Variants in LRP1B observed in about 807,000 individuals in gnomAD.
LRP1B encodes the protein low-density lipoprotein receptor-related protein 1B.
In LRP1B, 217 loss-of-function variants were observed where a neutral mutation model predicts 556.6. The ratio of observed to expected loss-of-function variants is 0.39; its 90% CI spans 0.35 to 0.44. LRP1B has a LOEUF of 0.44. Among genes scored for constraint, LRP1B ranks in the 20% least tolerant of loss-of-function variants. The pLI is 1.00. For synonymous variants in LRP1B, 2,047 were observed against 1,865.8 expected, an observed-to-expected ratio of 1.10 and a Z score of -2.50; for missense variants, 5,053 against 5,620.8, an observed-to-expected ratio of 0.90 and a Z score of 3.23.
At chr2:141,382,466 C>A (rs982356582) in intron 3 of LRP1B, among the ~76,000 whole-genome samples, 5 of 152,210 alleles carry the variant, frequency 3.3e-5, no homozygotes, top group Admixed American at 3.3e-4. Context: ...GTCTCACTAG[C>A]CTTTGTTTGA....
intron 1 of LRP1B, among the ~76,000 whole-genome samples, chr2:142,110,505 T>C (rs1706938393): frequency 6.6e-6 from 1 of 152,072 alleles, no homozygotes; most frequent in Non-Finnish European, 1.5e-5. Context: ...AGTTAATAAG[T>C]AGTGGGAGAA....
intron 66 of LRP1B, among the ~76,000 whole-genome samples, chr2:140,400,224 A>G (rs1174335978): frequency 6.6e-6 from 1 of 152,172 alleles, no homozygotes; most frequent in African/African-American, 2.4e-5. Flanking sequence ...CCTGAGCCCA[A>G]TCTGGAAGTC....
intron 33 of LRP1B, among the ~76,000 whole-genome samples, chr2:140,775,711 T>C (rs950331675): frequency 6.6e-6 from 1 of 152,164 alleles, no homozygotes; most frequent in African/African-American, 2.4e-5. Context: ...CCAAACAATG[T>C]AGTGCTTTGG....
chr2:142,008,240 C>T (rs1391426309), intron 1 of LRP1B, among the ~76,000 whole-genome samples: 1 of 152,180 alleles, frequency 6.6e-6, no homozygotes, highest in Non-Finnish European at 1.5e-5. Context: ...GCTTGACTCC[C>T]TGTGCTCTCC....
chr2:141,653,654 C>T (rs1031721628), intron 2 of LRP1B, among the ~76,000 whole-genome samples: 3 of 152,054 alleles, frequency 2.0e-5, no homozygotes, highest in Non-Finnish European at 2.9e-5. Context: ...TCAAGCTATA[C>T]GAGGTGGTTT....
At chr2:141,901,361 T>C (rs757995247) in intron 1 of LRP1B, among the ~76,000 whole-genome samples, 19 of 151,968 alleles carry the variant, frequency 1.3e-4, no homozygotes, top group Non-Finnish European at 2.4e-4. Flanking sequence ...AAAAGGAGAA[T>C]TGAATTTTAC....
chr2:141,261,306 G>T (rs769542937), intron 3 of LRP1B, among the ~76,000 whole-genome samples: 2 of 152,166 alleles, frequency 1.3e-5, no homozygotes, highest in Non-Finnish European at 2.9e-5. Flanking sequence ...CAAGAAGATA[G>T]AGCAGCGAGG....
intron 1 of LRP1B, among the ~76,000 whole-genome samples, chr2:142,028,856 T>C (rs1703594484): frequency 6.6e-6 from 1 of 151,944 alleles, no homozygotes; most frequent in Non-Finnish European, 1.5e-5. Context: ...GCCATTATAA[T>C]AAAAAGTGTA....
chr2:141,178,324 C>T (rs573578526), intron 7 of LRP1B, among the ~76,000 whole-genome samples: 1 of 152,184 alleles, frequency 6.6e-6, no homozygotes, highest in Admixed American at 6.6e-5. Context: ...TTCTCGATCG[C>T]CAGAGCAGTA....
At position 140,442,524 on chromosome 2, in the gene LRP1B, G is replaced by A. The variant is rs1686476200; in HGVS notation, c.10394C>T (p.Ala3465Val). 1.2e-6 allele frequency: 2 copies of A among 1,613,168 alleles called. No individual in the cohort carries two copies. The highest frequency in any genetic ancestry group is 1.7e-5 in the Admixed American group (1 of 59,874). Residue 3465 changes from alanine (A) to valine (V), a missense_variant, in exon 66 of 91, where the codon GCA (alanine) becomes GTA (valine). Coordinates refer to ENST00000389484, the MANE Select transcript of LRP1B (RefSeq NM_018557.3). ...VCDEDPDCADASDEANCDKKT... is the reference protein window; with the variant it reads ...VCDEDPDCADVSDEANCDKKT... ...CTCACCGCAGTTGGCCTCGTCTGATGCATCTGCACAGTCTGGATCCTCGTC... is the reference window on the plus strand; with the variant it reads ...CTCACCGCAGTTGGCCTCGTCTGATACATCTGCACAGTCTGGATCCTCGTC...
At chr2:140,395,315 C>T (rs1218184018) in intron 66 of LRP1B, among the ~76,000 whole-genome samples, 1 of 152,140 alleles carries the variant, frequency 6.6e-6, no homozygotes, top group African/African-American at 2.4e-5. Flanking sequence ...CTGGTACAGC[C>T]ACCTTTGTTT....
At chr2:141,041,345 G>T (rs528511055) in intron 11 of LRP1B, among the ~76,000 whole-genome samples, 3 of 152,140 alleles carry the variant, frequency 2.0e-5, no homozygotes, top group African/African-American at 7.2e-5. Context: ...CAATATCCAG[G>T]ACTGGTTTCA....
intron 1 of LRP1B, among the ~76,000 whole-genome samples, chr2:141,894,635 TTAGATCTAGATCTAGATCTAGATC>T (rs6146947): frequency 0.87 from 129,218 of 147,774 alleles, 56,598 homozygotes; most frequent in East Asian, 1. Flanking sequence ...AATAGAATAT[TTAGATCTAGATCTAGATCTAGATC>T]TAGATCTAGA....
At chr2:141,626,822 C>A (rs1180530386) in intron 2 of LRP1B, among the ~76,000 whole-genome samples, 1 of 152,150 alleles carries the variant, frequency 6.6e-6, no homozygotes, top group Non-Finnish European at 1.5e-5. Flanking sequence ...GAATGCGGAG[C>A]AATGATTGAG....
At chr2:141,142,411 C>G (rs1212027612) in intron 7 of LRP1B, among the ~76,000 whole-genome samples, 1 of 152,142 alleles carries the variant, frequency 6.6e-6, no homozygotes, top group African/African-American at 2.4e-5. Flanking sequence ...TGTGAAAGGT[C>G]CTTTCTTCCC....
intron 18 of LRP1B, among the ~76,000 whole-genome samples, chr2:140,967,340 T>C (rs1696259426): frequency 1.3e-4 from 1 of 7,656 alleles, no homozygotes; most frequent in South Asian, 4.3e-3. Context: ...TTTGGCTCTC[T>C]GTCTGTTATT....
chr2:140,581,756 TTC>T (rs762474847), intron 43 of LRP1B, among the ~76,000 whole-genome samples: 5 of 152,124 alleles, frequency 3.3e-5, no homozygotes, highest in Non-Finnish European at 5.9e-5. Flanking sequence ...CTCTCTCCTG[TTC>T]TCTTTTTCTC....
intron 2 of LRP1B, among the ~76,000 whole-genome samples, chr2:141,640,924 G>A (rs559675758): frequency 6.6e-6 from 1 of 152,256 alleles, no homozygotes; most frequent in African/African-American, 2.4e-5. Flanking sequence ...GAGTGTTTTT[G>A]TGGTGGTGAG....
At chr2:142,034,420 T>C (rs113723972) in intron 1 of LRP1B, among the ~76,000 whole-genome samples, 9 of 151,884 alleles carry the variant, frequency 5.9e-5, no homozygotes, top group African/African-American at 1.9e-4. Context: ...GGAACATACA[T>C]GTGTTTGCTT....
Sources: gnomAD v4.1 joint callset for allele counts (sites outside exome capture counted in the v4.1 genomes callset) on GRCh38, gnomAD v4.1.1 for gene constraint, MANE v1.5 for transcripts, NCBI Gene and HGNC (gene_info 2026-07-23, HGNC 2026-07-21) for gene names.